The following ASIC2 variants were observed in gnomAD, a reference collection of about 807,000 sequenced individuals.
The protein encoded by ASIC2 is acid sensing ion channel subunit 2, also known as acid-sensing ion channel 2.
In ASIC2, 25 loss-of-function variants were observed where a neutral mutation model predicts 57.3. That is an observed-to-expected ratio of 0.44 (90% CI 0.32 to 0.61). ASIC2 has a LOEUF of 0.61. ASIC2 is among the 20% of genes least tolerant of loss of function. The pLI is 0.06. For missense variants in ASIC2, 641 were observed against 738.1 expected (o/e 0.87, Z 1.52); for synonymous variants, 319 against 307.5 (o/e 1.04, Z -0.39).
intron 1 of ASIC2, among the ~76,000 whole-genome samples, chr17:33,983,782 G>A (rs1905711255): frequency 6.6e-6 from 1 of 152,188 alleles, no homozygotes; most frequent in Non-Finnish European, 1.5e-5. Context: ...GTACAAGTCT[G>A]GAGTTATTTT....
intron 2 of ASIC2, among the ~76,000 whole-genome samples, chr17:33,101,869 G>A (rs2092213315): frequency 6.6e-6 from 1 of 151,074 alleles, no homozygotes; most frequent in African/African-American, 2.4e-5. Flanking sequence ...TTTCCATTTT[G>A]TTTTGTTTTA....
Position 34,151,764 on chromosome 17 carries a change from G to A in ASIC2, c.555+4214C>T, listed in dbSNP as rs146281721. Among the ~76,000 whole-genome samples, 10 of 152,250 alleles carry A rather than the reference G, an allele frequency of 6.6e-5. No homozygotes were observed. In the East Asian group the frequency reaches 1.2e-3, roughly 18 times the overall value. ...GACTGAGAGTTGAGTGAGCTCCTGCGGGACACTAAGCAAAGCAAGAGGCCT... is the reference window on the plus strand; with the variant it reads ...GACTGAGAGTTGAGTGAGCTCCTGCAGGACACTAAGCAAAGCAAGAGGCCT... On this transcript the variant is annotated intron_variant, in intron 1 of 9. Coordinates refer to the ASIC2 transcript ENST00000359872.
chr17:33,569,702 C>A (rs1181178325), intron 1 of ASIC2, among the ~76,000 whole-genome samples: 1 of 152,048 alleles, frequency 6.6e-6, no homozygotes, highest in East Asian at 1.9e-4. Context: ...TCTGCCTCTT[C>A]TTTTTGGTGC....
At chr17:33,355,094 A>G (rs1306908592) in intron 1 of ASIC2, among the ~76,000 whole-genome samples, 1 of 152,182 alleles carries the variant, frequency 6.6e-6, no homozygotes, top group East Asian at 1.9e-4. Flanking sequence ...GCCAGATAAA[A>G]CAAAAAGCAA....
intron 1 of ASIC2, among the ~76,000 whole-genome samples, chr17:33,999,800 C>A (rs1168554005): frequency 6.6e-6 from 1 of 152,124 alleles, no homozygotes; most frequent in African/African-American, 2.4e-5. Context: ...TTATACACCA[C>A]CATTACAGTA....
At chr17:33,234,980 G>A (rs1169772644) in intron 1 of ASIC2, among the ~76,000 whole-genome samples, 8 of 152,140 alleles carry the variant, frequency 5.3e-5, no homozygotes, top group Non-Finnish European at 7.4e-5. Context: ...ACAAAACTGC[G>A]GCTGCATCCT....
At chr17:33,602,423 G>GCT (rs1023946357) in intron 1 of ASIC2, among the ~76,000 whole-genome samples, 5 of 151,680 alleles carry the variant, frequency 3.3e-5, no homozygotes, top group East Asian at 1.9e-4. Context: ...GGCCCCCTTC[G>GCT]CTCTCTCTCT....
At chr17:33,709,376 G>C (rs1908958053) in intron 1 of ASIC2, among the ~76,000 whole-genome samples, 1 of 152,220 alleles carries the variant, frequency 6.6e-6, no homozygotes, top group African/African-American at 2.4e-5. Flanking sequence ...AAAATCTTTA[G>C]ATGGAGAGAT....
chr17:33,880,226 A>G (rs960281271), intron 1 of ASIC2, among the ~76,000 whole-genome samples: 2 of 152,086 alleles, frequency 1.3e-5, no homozygotes, highest in African/African-American at 2.4e-5. Flanking sequence ...ACATTAAAAA[A>G]CTAGCAGAAG....
intron 1 of ASIC2, among the ~76,000 whole-genome samples, chr17:34,027,713 G>A (rs1478405215): frequency 6.6e-6 from 1 of 152,176 alleles, no homozygotes; most frequent in East Asian, 1.9e-4. Flanking sequence ...TAGCTCTGTC[G>A]TTAGCACACC....
At chr17:33,225,187 C>G (rs1013570272) in intron 1 of ASIC2, among the ~76,000 whole-genome samples, 3 of 152,162 alleles carry the variant, frequency 2.0e-5, no homozygotes, top group African/African-American at 7.2e-5. Context: ...TGTTGAATAC[C>G]AAGCCTGTGC....
intron 1 of ASIC2, among the ~76,000 whole-genome samples, chr17:33,347,638 G>A (rs904771842): frequency 6.6e-6 from 1 of 152,180 alleles, no homozygotes; most frequent in Non-Finnish European, 1.5e-5. Context: ...AAGCCCGGAT[G>A]AGGTCTCAGA....
Position 33,507,430 on chromosome 17 carries a change from C to A in ASIC2, c.556-395363G>T, listed in dbSNP as rs950716596. On this transcript the variant is annotated intron_variant, in intron 1 of 9. Coordinates refer to the ASIC2 transcript ENST00000359872. ...TTCCCAGGCTGATATTTTCTGATTTCCTACCTAGACTCTGAGGTTTATTCT... is the reference window on the plus strand; with the variant it reads ...TTCCCAGGCTGATATTTTCTGATTTACTACCTAGACTCTGAGGTTTATTCT... Among the ~76,000 whole-genome samples the A allele has an allele frequency of 5.9e-5, 9 of 152,300 alleles. No homozygotes were observed. The East Asian group carries it at 1.7e-3, about 29-fold the overall frequency.
At chr17:33,532,270 C>A (rs1915076316) in intron 1 of ASIC2, among the ~76,000 whole-genome samples, 1 of 152,244 alleles carries the variant, frequency 6.6e-6, no homozygotes, top group Non-Finnish European at 1.5e-5. Flanking sequence ...TCCTACATAT[C>A]AGGCACTGTG....
Position 33,017,778 on chromosome 17 carries a change from G to A in ASIC2, c.1442-94C>T, listed in dbSNP as rs994215018. 89 of 1,183,996 alleles carry A rather than the reference G, an allele frequency of 7.5e-5. 1 individual carries two copies. The highest frequency in any genetic ancestry group is 6.1e-4 in the African/African-American group (40 of 65,368). 73.3% of individuals were successfully genotyped at this position (1,183,996 alleles called of 1,614,324 possible). A position where few individuals can be genotyped will look rare whatever the true frequency, so the allele number is the denominator to read the frequency against. On this transcript the variant is annotated intron_variant, in intron 7 of 9. Transcript: ENST00000225823. ...ATGCAACCCAGACCTTCTGAATGGC[G>A]CCCCCTCCATGGGGAGCCTGGGCCT... is the stretch of plus-strand genomic sequence containing the variant.
intron 1 of ASIC2, among the ~76,000 whole-genome samples, chr17:33,495,598 C>G (rs1258376833): frequency 6.6e-6 from 1 of 152,202 alleles, no homozygotes; most frequent in Non-Finnish European, 1.5e-5. Flanking sequence ...GTGGCCGTTC[C>G]TGCTTCAATC....
At chr17:33,482,606 T>G (rs1913442455) in intron 1 of ASIC2, among the ~76,000 whole-genome samples, 2 of 152,216 alleles carry the variant, frequency 1.3e-5, no homozygotes, top group South Asian at 4.1e-4. Context: ...ATAATCTCCA[T>G]TCCACAGACA....
At chr17:34,149,635 A>G (rs1410930681) in intron 1 of ASIC2, among the ~76,000 whole-genome samples, 1 of 152,240 alleles carries the variant, frequency 6.6e-6, no homozygotes, top group Non-Finnish European at 1.5e-5. Context: ...ATCAGGCCTT[A>G]TGAGGAGGGG....
chr17:33,918,976 T>C (rs1002899539), intron 1 of ASIC2, among the ~76,000 whole-genome samples: 2 of 152,126 alleles, frequency 1.3e-5, no homozygotes, highest in Non-Finnish European at 2.9e-5. Flanking sequence ...TGATGGGCAG[T>C]CTATCTCTCC....
Sources: allele counts gnomAD v4.1 joint callset (sites outside exome capture counted in the v4.1 genomes callset), GRCh38; gene constraint gnomAD v4.1.1; transcripts MANE v1.5; gene names NCBI Gene and HGNC (gene_info 2026-07-23, HGNC 2026-07-21).